The following ARHGEF28 variants were observed in gnomAD, a reference collection of about 807,000 sequenced individuals.
ARHGEF28 encodes the protein Rho guanine nucleotide exchange factor 28.
Under a neutral mutation model 206.6 loss-of-function variants are expected in ARHGEF28, and 152 were observed. The observed-to-expected ratio is 0.74, with a 90% CI of 0.64 to 0.84. The LOEUF is 0.84. Among genes scored for constraint, ARHGEF28 ranks in the 40% least tolerant of loss-of-function variants. The pLI is 0.00. For synonymous variants in ARHGEF28, 763 were observed against 776.4 expected (o/e 0.98, Z 0.29); for missense variants, 2,028 against 2,073.2 (o/e 0.98, Z 0.42).
chr5:73,886,779 G>A (rs1215136048), intron 25 of ARHGEF28, among the ~76,000 whole-genome samples: 1 of 152,184 alleles, frequency 6.6e-6, no homozygotes, highest in Non-Finnish European at 1.5e-5. Context: ...CAGAGATTCT[G>A]ATTTTTATCA....
intron 9 of ARHGEF28, among the ~76,000 whole-genome samples, chr5:73,798,507 T>A (rs1219235373): frequency 6.6e-6 from 1 of 152,162 alleles, no homozygotes; most frequent in Non-Finnish European, 1.5e-5. Context: ...GGAGCTGACA[T>A]CTATGTCTAA....
intron 1 of ARHGEF28, among the ~76,000 whole-genome samples, chr5:73,649,676 G>T (rs1402748646): frequency 6.6e-6 from 1 of 152,144 alleles, no homozygotes; most frequent in African/African-American, 2.4e-5. Context: ...TATTTCTGTT[G>T]TATGTTGCCA....
At chr5:73,722,092 C>A (rs915718400) in intron 2 of ARHGEF28, among the ~76,000 whole-genome samples, 1 of 152,142 alleles carries the variant, frequency 6.6e-6, no homozygotes, top group Non-Finnish European at 1.5e-5. Flanking sequence ...CAGTAGCACA[C>A]AGATATATCT....
chr5:73,807,571 A>G (rs1580646055), intron 9 of ARHGEF28, among the ~76,000 whole-genome samples: 1 of 148,822 alleles, frequency 6.7e-6, no homozygotes, highest in South Asian at 2.1e-4. Flanking sequence ...TGCAACTTCC[A>G]CCTCCCAGGT....
intron 9 of ARHGEF28, among the ~76,000 whole-genome samples, chr5:73,806,411 T>A (rs1422129557): frequency 7.7e-6 from 1 of 129,660 alleles, no homozygotes; most frequent in Non-Finnish European, 1.6e-5. Context: ...TATATAGATA[T>A]ATAGATATAT....
intron 35 of ARHGEF28, among the ~76,000 whole-genome samples, chr5:73,931,736 G>A (rs1764133871): frequency 6.6e-6 from 1 of 152,088 alleles, no homozygotes; most frequent in African/African-American, 2.4e-5. Flanking sequence ...TATGGTTTTT[G>A]GAAGTTTTCT....
Position 73,876,126 on chromosome 5 carries a change from G to A in ARHGEF28, c.2814+2880G>A, listed in dbSNP as rs975941497. Among the ~76,000 whole-genome samples, 79 of 149,516 alleles carry A rather than the reference G, an allele frequency of 5.3e-4. 1 individual carries two copies. The highest frequency in any genetic ancestry group is 1.9e-3 in the African/African-American group (77 of 40,082). On this transcript the variant is annotated intron_variant, in intron 22 of 35. Transcript: ENST00000513042. ...AGTGGTTTGTAGTTCTCCTTGAAGA[G>A]GTGCTTCACGTCCCTTGTAAGTTGG...
chr5:73,790,722 C>T (rs939383895), intron 7 of ARHGEF28, among the ~76,000 whole-genome samples: 2 of 150,050 alleles, frequency 1.3e-5, no homozygotes, highest in Admixed American at 1.3e-4. Flanking sequence ...TTGAAACAAA[C>T]TTTCAAAGTG....
intron 2 of ARHGEF28, among the ~76,000 whole-genome samples, chr5:73,722,128 A>C (rs1379596073): frequency 1.3e-5 from 2 of 152,248 alleles, no homozygotes; most frequent in Non-Finnish European, 2.9e-5. Flanking sequence ...GAGATAGAAA[A>C]GCTTGCTGCT....
chr5:73,810,558 G>A (rs1247797547), intron 9 of ARHGEF28, among the ~76,000 whole-genome samples: 2 of 152,076 alleles, frequency 1.3e-5, no homozygotes, highest in African/African-American at 4.8e-5. Context: ...CTGATGTGGG[G>A]TTTATCTACC....
intron 22 of ARHGEF28, 92 bp downstream of exon 22, chr5:73,873,338 AT>A (rs1760231990): frequency 1.4e-6 from 2 of 1,403,702 alleles, no homozygotes; most frequent in Non-Finnish European, 1.9e-6. Context: ...AAAAAATGAT[AT>A]TTTGAAACAT....
chr5:73,700,091 G>A (rs1748504729), intron 2 of ARHGEF28, among the ~76,000 whole-genome samples: 2 of 152,078 alleles, frequency 1.3e-5, no homozygotes, highest in South Asian at 4.2e-4. Flanking sequence ...ATAAAATACT[G>A]GGATCAATCA....
intron 14 of ARHGEF28, among the ~76,000 whole-genome samples, chr5:73,855,119 C>A (rs1361256232): frequency 2.0e-5 from 3 of 152,038 alleles, no homozygotes; most frequent in East Asian, 3.9e-4. Flanking sequence ...AATGTAAAAG[C>A]TATTTAAATT....
At chr5:73,702,965 T>C (rs1748690480) in intron 2 of ARHGEF28, among the ~76,000 whole-genome samples, 1 of 152,208 alleles carries the variant, frequency 6.6e-6, no homozygotes, top group Admixed American at 6.5e-5. Flanking sequence ...CAAGAGTTTA[T>C]ATGGTGAGTT....
chr5:73,663,350 G>T (rs1348164016), intron 1 of ARHGEF28, among the ~76,000 whole-genome samples: 2 of 152,168 alleles, frequency 1.3e-5, no homozygotes, highest in African/African-American at 4.8e-5. Context: ...TGGGCACTAG[G>T]CACCGAGTGC....
chr5:73,651,033 G>A (rs960954839), intron 1 of ARHGEF28, among the ~76,000 whole-genome samples: 5 of 152,228 alleles, frequency 3.3e-5, no homozygotes, highest in Non-Finnish European at 7.3e-5. Flanking sequence ...AAAGACAAAT[G>A]CTACAATTAG....
chr5:73,903,650 G>T, intron 31 of ARHGEF28: 1 of 154,358 alleles, frequency 6.5e-6, no homozygotes, highest in Non-Finnish European at 1.4e-5. Context: ...GCAGTCACTG[G>T]TCTGGTGATC....
Position 73,751,372 on chromosome 5 carries a change from T to A in ARHGEF28, c.181+1388T>A, listed in dbSNP as rs576538713. The stretch of plus-strand genomic sequence containing the variant: ...TTGCAGTGAGCTGAGATCATGTCAC[T>A]GCACTCCAGCCTGGGAGACAGAGCG... On this transcript the variant is annotated intron_variant, in intron 3 of 35. Coordinates refer to ENST00000513042, the MANE Select transcript of ARHGEF28 (RefSeq NM_001177693.2). Among the ~76,000 whole-genome samples the A allele has an allele frequency of 6.6e-4, 101 of 152,300 alleles. 1 individual carries two copies. Among genetic ancestry groups the A allele is most frequent in the Middle Eastern group, 3.4e-3 (1 of 292 alleles).
chr5:73,719,593 C>G (rs1220472580), intron 2 of ARHGEF28, among the ~76,000 whole-genome samples: 2 of 152,114 alleles, frequency 1.3e-5, no homozygotes, highest in Non-Finnish European at 2.9e-5. Context: ...CTTCCAGCCC[C>G]AAGAGCCCCA....
Sources: gnomAD v4.1 joint callset for allele counts (sites outside exome capture counted in the v4.1 genomes callset) on GRCh38, gnomAD v4.1.1 for gene constraint, MANE v1.5 for transcripts, NCBI Gene and HGNC (gene_info 2026-07-23, HGNC 2026-07-21) for gene names.